Variants in CAMTA1 observed in about 807,000 individuals in gnomAD.
CAMTA1 encodes calmodulin-binding transcription activator 1.
Under a neutral mutation model 170.9 loss-of-function variants are expected in CAMTA1, and 27 were observed. The ratio of observed to expected loss-of-function variants is 0.16; its 90% CI spans 0.12 to 0.22. CAMTA1 has a LOEUF of 0.22. CAMTA1 is among the 10% of genes least tolerant of loss of function. The pLI is 1.00. For synonymous variants in CAMTA1, 833 were observed against 891.5 expected (o/e 0.93, Z 1.17); for missense variants, 1,619 against 2,217.2 (o/e 0.73, Z 5.42).
chr1:7,125,642 C>T (rs1272648613), intron 4 of CAMTA1, among the ~76,000 whole-genome samples: 1 of 152,144 alleles, frequency 6.6e-6, no homozygotes, highest in East Asian at 1.9e-4. Context: ...AGGTGGGAAA[C>T]AGGATTGCAG....
At chr1:7,616,101 T>C (rs1158850517) in intron 6 of CAMTA1, among the ~76,000 whole-genome samples, 3 of 152,274 alleles carry the variant, frequency 2.0e-5, no homozygotes, top group African/African-American at 7.2e-5. Flanking sequence ...TTAACTTGGA[T>C]GATGAAGAAC....
At chr1:7,514,759 T>C (rs2094256455) in intron 6 of CAMTA1, among the ~76,000 whole-genome samples, 2 of 152,158 alleles carry the variant, frequency 1.3e-5, no homozygotes, top group African/African-American at 4.8e-5. Flanking sequence ...AGCCTGGTCC[T>C]GGTGCAGACA....
Position 7,402,500 on chromosome 1 carries a change from A to G in CAMTA1, c.439-65330A>G, listed in dbSNP as rs142044047. ...TAGATATCTGTCCCATCGCCCAAAA[A>G]TATGAACGTGAGGAGGGCATCTTTT... On this transcript the variant is annotated intron_variant, in intron 5 of 22. Coordinates refer to ENST00000303635, the MANE Select transcript of CAMTA1 (RefSeq NM_015215.4). Among the ~76,000 whole-genome samples, 67 of 152,322 alleles carry G rather than the reference A, an allele frequency of 4.4e-4. 2 individuals carry two copies. In the East Asian group the frequency reaches 0.012, roughly 26 times the overall value.
rs1235863278 is a variant in CAMTA1, at chr1:7,234,018, C to T, written c.303-15473C>T. Among the ~76,000 whole-genome samples the T allele has an allele frequency of 6.6e-6, 1 of 152,178 alleles. No homozygotes were observed. The highest frequency in any genetic ancestry group is 1.5e-5 in the Non-Finnish European group (1 of 68,024). On this transcript the variant is annotated intron_variant, in intron 4 of 22. Coordinates refer to ENST00000303635, the MANE Select transcript of CAMTA1 (RefSeq NM_015215.4). This position sits in a 1 kb window ranked among gnomAD's most constrained non-coding sequence, Gnocchi z 5.0. ...AATTTATGCCGTCTTACATTTTATG[C>T]TACATTTGTATTAAGATTGGAGTCC...
rs1347718291 is a variant in CAMTA1, at chr1:7,768,100, A to G, written c.*1609A>G. ...CACCATCCACTCACTCCAACAAAGA[A>G]CACTTAGAATGATAAAAAAAAAAAA... On this transcript the variant is annotated 3_prime_UTR_variant, in exon 23 of 23. Coordinates refer to ENST00000303635, the MANE Select transcript of CAMTA1 (RefSeq NM_015215.4). 7.9e-6 allele frequency: 1 copy of G among 127,286 alleles called. No individual in the cohort carries two copies. The highest frequency in any genetic ancestry group is 1.7e-5 in the Non-Finnish European group (1 of 60,504). 7.9% of individuals were successfully genotyped at this position (127,286 alleles called of 1,614,324 possible). A position where few individuals can be genotyped will look rare whatever the true frequency, so the allele number is the denominator to read the frequency against.
At chr1:6,987,802 G>C (rs1399220502) in intron 3 of CAMTA1, among the ~76,000 whole-genome samples, 1 of 152,154 alleles carries the variant, frequency 6.6e-6, no homozygotes, top group Non-Finnish European at 1.5e-5. Flanking sequence ...CGGGAATCCA[G>C]GTTCCCCTTC....
intron 4 of CAMTA1, among the ~76,000 whole-genome samples, chr1:7,186,168 A>G (rs1156317962): frequency 2.6e-5 from 4 of 152,182 alleles, no homozygotes; most frequent in Non-Finnish European, 5.9e-5. Flanking sequence ...GGGAGAGCAA[A>G]AGAGCAAAAG....
At chr1:7,104,529 G>C (rs925289869) in intron 4 of CAMTA1, among the ~76,000 whole-genome samples, 4 of 152,188 alleles carry the variant, frequency 2.6e-5, no homozygotes, top group Non-Finnish European at 5.9e-5. Flanking sequence ...AGGAGCTCTG[G>C]GGGAACTGGA....
intron 4 of CAMTA1, among the ~76,000 whole-genome samples, chr1:7,172,346 C>T (rs1188244254): frequency 2.6e-5 from 4 of 152,194 alleles, no homozygotes; most frequent in Non-Finnish European, 5.9e-5. Flanking sequence ...GACAGGGTTT[C>T]ACCGTGTTGG....
chr1:7,644,775 G>A (rs2095791681), intron 7 of CAMTA1, among the ~76,000 whole-genome samples: 1 of 152,212 alleles, frequency 6.6e-6, no homozygotes, highest in Non-Finnish European at 1.5e-5. Context: ...GAGAGTCTGG[G>A]AAGTGTCGTT....
chr1:6,798,832 A>C (rs865912860), intron 1 of CAMTA1, among the ~76,000 whole-genome samples: 1 of 151,688 alleles, frequency 6.6e-6, no homozygotes, highest in Middle Eastern at 3.4e-3. Context: ...TCCTGACCTC[A>C]TGATCCGTCC....
intron 3 of CAMTA1, among the ~76,000 whole-genome samples, chr1:7,018,078 C>T (rs1700813053): frequency 7.6e-6 from 1 of 131,306 alleles, no homozygotes; most frequent in Non-Finnish European, 1.7e-5. Context: ...ATCCTCCCGC[C>T]TCAGCCTCCT....
chr1:7,128,540 G>A lies in CAMTA1; in HGVS notation c.302+37169G>A, dbSNP rs552861746. 5.9e-4 allele frequency among the ~76,000 whole-genome samples: 90 copies of A among 152,306 alleles called. 1 individual carries two copies. In the South Asian group the frequency reaches 0.014, roughly 24 times the overall value. On this transcript the variant is annotated intron_variant, in intron 4 of 22. Transcript: ENST00000303635. Reference sequence around the variant, plus strand: ...TCAGGGCTGTTGGTTTGGAGGATTCGGTGTGAGATGGGCTAAGAAAAGTCA... The same window carrying A: ...TCAGGGCTGTTGGTTTGGAGGATTCAGTGTGAGATGGGCTAAGAAAAGTCA...
At chr1:7,360,384 C>T (rs1055535120) in intron 5 of CAMTA1, among the ~76,000 whole-genome samples, 8 of 152,194 alleles carry the variant, frequency 5.3e-5, no homozygotes, top group African/African-American at 1.7e-4. Context: ...TACACTGATG[C>T]ACTGGAGTGT....
At chr1:7,409,962 A>T (rs2090595311) in intron 5 of CAMTA1, among the ~76,000 whole-genome samples, 1 of 152,136 alleles carries the variant, frequency 6.6e-6, no homozygotes, top group Non-Finnish European at 1.5e-5. Flanking sequence ...GTTACTGAGC[A>T]GGAAGGAGCC....
chr1:7,267,078 G>C (rs1669051276), intron 5 of CAMTA1, among the ~76,000 whole-genome samples: 3 of 152,180 alleles, frequency 2.0e-5, no homozygotes, highest in Admixed American at 2.0e-4. Context: ...AGACCCTCTG[G>C]CTGTTGGCTT....
At chr1:6,999,592 A>G (rs913592788) in intron 3 of CAMTA1, among the ~76,000 whole-genome samples, 4 of 152,150 alleles carry the variant, frequency 2.6e-5, no homozygotes, top group Admixed American at 6.5e-5. Context: ...CATGTTGCCT[A>G]GGCTGGTCTC....
chr1:6,846,140 A>G (rs1658030538), intron 3 of CAMTA1, among the ~76,000 whole-genome samples: 2 of 152,364 alleles, frequency 1.3e-5, no homozygotes, highest in South Asian at 4.1e-4. Context: ...TTACAGTTCA[A>G]GGTGAGATTT....
intron 1 of CAMTA1, among the ~76,000 whole-genome samples, chr1:6,812,902 A>G (rs1222736386): frequency 6.6e-6 from 1 of 152,196 alleles, no homozygotes; most frequent in African/African-American, 2.4e-5. Context: ...TTTGAACTCA[A>G]TTCTAGGTGT....
Sources: allele counts gnomAD v4.1 joint callset (sites outside exome capture counted in the v4.1 genomes callset), GRCh38; gene constraint gnomAD v4.1.1; non-coding constraint Gnocchi (gnomAD v3.1); transcripts MANE v1.5; gene names NCBI Gene and HGNC (gene_info 2026-07-23, HGNC 2026-07-21).